PSD2: variants seen among roughly 807,000 people sequenced by gnomAD.
PSD2 encodes pleckstrin and Sec7 domain containing 2, also known as PH and SEC7 domain-containing protein 2.
In PSD2, 38 loss-of-function variants were observed where a neutral mutation model predicts 69.8. That is an observed-to-expected ratio of 0.54 (90% CI 0.42 to 0.71). PSD2 has a LOEUF of 0.71. Ranked by LOEUF, PSD2 falls within the 30% of genes least tolerant of loss-of-function variation. The pLI is 0.00. For synonymous variants in PSD2, 412 were observed against 423.0 expected (o/e 0.97, Z 0.32); for missense variants, 943 against 1,014.5 (o/e 0.93, Z 0.96).
At position 139,837,881 on chromosome 5, in the gene PSD2, T is replaced by C. The variant is rs1235203969; in HGVS notation, c.1823+99T>C. Reference sequence around the variant, plus strand: ...CTTCCCGTGAGTCAGCAACAGAGCATGTGTATCCACATGACACAGACCGAC... The same window carrying C: ...CTTCCCGTGAGTCAGCAACAGAGCACGTGTATCCACATGACACAGACCGAC... On this transcript the variant is annotated intron_variant, in intron 12 of 14. Transcript: ENST00000274710. This position sits in a 1 kb window ranked among gnomAD's most constrained non-coding sequence, Gnocchi z 5.0. 2.5e-6 allele frequency: 3 copies of C among 1,213,134 alleles called. No individual in the cohort carries two copies. The highest frequency in any genetic ancestry group is 1.5e-5 in the South Asian group (1 of 67,866). The allele number at this position is 1,213,134 out of a possible 1,614,324, so 75.1% of individuals were successfully genotyped here.
chr5:139,764,787 T>A, the PSD2 span, among the ~76,000 whole-genome samples: 1 of 152,102 alleles, frequency 6.6e-6, no homozygotes, highest in African/African-American at 2.4e-5. Flanking sequence ...GGGAGGTAGA[T>A]AATAGAGCCT....
chr5:139,768,806 C>T, the PSD2 span, among the ~76,000 whole-genome samples: 5 of 152,142 alleles, frequency 3.3e-5, 1 homozygote, highest in Admixed American at 1.3e-4. Flanking sequence ...AAGAGCCAAT[C>T]GGGCCTGCAA....
At chr5:139,765,130 C>T in the PSD2 span, among the ~76,000 whole-genome samples, 5 of 152,100 alleles carry the variant, frequency 3.3e-5, no homozygotes, top group Non-Finnish European at 7.4e-5. Flanking sequence ...GTACTTCCCA[C>T]TGCGGGTTCC....
chr5:139,767,290 G>A, the PSD2 span, among the ~76,000 whole-genome samples: 1 of 151,314 alleles, frequency 6.6e-6, no homozygotes, highest in Non-Finnish European at 1.5e-5. Context: ...ACCGCACCCA[G>A]CCACCATCTT....
intron 4 of PSD2, among the ~76,000 whole-genome samples, chr5:139,815,637 C>A (rs2126942151): frequency 6.6e-6 from 1 of 152,248 alleles, no homozygotes; most frequent in Admixed American, 6.5e-5. Flanking sequence ...CTCACCTTAG[C>A]CCCTTCAGCA....
chr5:139,813,092 C>G (rs1285059420), intron 2 of PSD2, among the ~76,000 whole-genome samples: 3 of 152,184 alleles, frequency 2.0e-5, no homozygotes, highest in African/African-American at 7.2e-5. Context: ...AGGCTGGGGG[C>G]CCCGGCCCCA....
At chr5:139,776,287 G>T in the PSD2 span, among the ~76,000 whole-genome samples, 1 of 152,344 alleles carries the variant, frequency 6.6e-6, no homozygotes, top group South Asian at 2.1e-4. Context: ...ATACAACCAG[G>T]GTCCCCCTAA....
chr5:139,782,870 C>G, the PSD2 span, among the ~76,000 whole-genome samples: 1 of 152,128 alleles, frequency 6.6e-6, no homozygotes, highest in African/African-American at 2.4e-5. Flanking sequence ...ACCACTTTAA[C>G]CATTTTTAAG....
At chr5:139,761,231 C>T in the PSD2 span, among the ~76,000 whole-genome samples, 1 of 152,114 alleles carries the variant, frequency 6.6e-6, no homozygotes, top group African/African-American at 2.4e-5. Flanking sequence ...GTGATGTCAG[C>T]CCATTTTACA....
At chr5:139,817,045 C>T (rs960910710) in intron 4 of PSD2, among the ~76,000 whole-genome samples, 5 of 152,194 alleles carry the variant, frequency 3.3e-5, no homozygotes, top group Non-Finnish European at 7.3e-5. Flanking sequence ...CAGCAGGTAG[C>T]GCATTCCAAA....
the PSD2 span, among the ~76,000 whole-genome samples, chr5:139,776,263 G>C: frequency 2.6e-5 from 4 of 152,236 alleles, no homozygotes; most frequent in Admixed American, 1.3e-4. Flanking sequence ...AAGTCCCAAG[G>C]GCTGTAAGCT....
intron 14 of PSD2, among the ~76,000 whole-genome samples, chr5:139,841,080 T>G (rs184922067): frequency 1.3e-5 from 2 of 152,168 alleles, no homozygotes; most frequent in Admixed American, 6.5e-5. Context: ...ACAATCACCA[T>G]TCTACTCTCT....
At chr5:139,810,971 G>C (rs930685329) in intron 2 of PSD2, among the ~76,000 whole-genome samples, 3 of 152,052 alleles carry the variant, frequency 2.0e-5, no homozygotes, top group Non-Finnish European at 4.4e-5. Context: ...GGAGATGGGG[G>C]GTCCATTGGT....
intron 7 of PSD2, among the ~76,000 whole-genome samples, chr5:139,830,610 C>CTT (rs1273080509): frequency 4.2e-5 from 3 of 70,702 alleles, no homozygotes; most frequent in Non-Finnish European, 7.9e-5. Context: ...CTTTCTTTCT[C>CTT]TTTCTTTCTT....
At chr5:139,790,333 C>T in the PSD2 span, among the ~76,000 whole-genome samples, 1 of 152,056 alleles carries the variant, frequency 6.6e-6, no homozygotes, top group Non-Finnish European at 1.5e-5. Flanking sequence ...TTCAGGTCAG[C>T]ACTTGGGTGT....
At chr5:139,761,530 A>C in the PSD2 span, among the ~76,000 whole-genome samples, 5 of 152,170 alleles carry the variant, frequency 3.3e-5, no homozygotes, top group Non-Finnish European at 7.4e-5. Flanking sequence ...TAAGCCTGTA[A>C]GTCCCTCACA....
At chr5:139,836,740 TG>T in intron 9 of PSD2, 70 bp from the exon 10 acceptor site, 1 of 1,399,216 alleles carries the variant, frequency 7.1e-7, no homozygotes, top group Non-Finnish European at 1.0e-6. Context: ...AGGAGGCTGG[TG>T]GGGAAAGGCC....
intron 2 of PSD2, among the ~76,000 whole-genome samples, chr5:139,811,416 G>T (rs1332765960): frequency 6.6e-6 from 1 of 152,190 alleles, no homozygotes; most frequent in African/African-American, 2.4e-5. Flanking sequence ...AGCAGGGGCT[G>T]GGGGAACGTA....
At chr5:139,770,020 A>G in the PSD2 span, among the ~76,000 whole-genome samples, 16 of 152,250 alleles carry the variant, frequency 1.1e-4, no homozygotes, top group Non-Finnish European at 2.4e-4. Context: ...ACAGAGAGGT[A>G]GAACCTGGGT....
Sources: allele counts gnomAD v4.1 joint callset (sites outside exome capture counted in the v4.1 genomes callset), GRCh38; gene constraint gnomAD v4.1.1; non-coding constraint Gnocchi (gnomAD v3.1); transcripts MANE v1.5; gene names NCBI Gene and HGNC (gene_info 2026-07-23, HGNC 2026-07-21).